TRIM26: variants seen among roughly 807,000 people sequenced by gnomAD.
The protein encoded by TRIM26 is tripartite motif-containing protein 26.
A neutral mutation model predicts 45.5 loss-of-function variants in TRIM26; 16 were observed. The observed-to-expected ratio is 0.35, with a 90% CI of 0.24 to 0.53. The LOEUF is 0.53. Ranked by LOEUF, TRIM26 falls within the 20% of genes least tolerant of loss-of-function variation. The pLI is 0.92. For missense variants in TRIM26, 442 were observed against 691.1 expected (o/e 0.64, Z 4.04); for synonymous variants, 273 against 290.4 (o/e 0.94, Z 0.61).
chr6:30,189,817 G>A lies in TRIM26; in HGVS notation c.788+196C>T. ...TGGGCCAAGGAGCTGGGGCTACACA[G>A]AGAACCATAAGGAGGAGAGCAAGTC... On this transcript the variant is annotated intron_variant, in intron 7 of 9. Transcript: ENST00000454678. The surrounding 1 kb of genome is among the most constrained non-coding windows in gnomAD (Gnocchi z 5.0). 1.5e-6 allele frequency: 1 copy of A among 655,156 alleles called. No homozygotes were observed. The highest frequency in any genetic ancestry group is 2.5e-6 in the Non-Finnish European group (1 of 392,312). The allele number at this position is 655,156 out of a possible 1,614,324, so 40.6% of individuals were successfully genotyped here.
chr6:30,200,091 T>G (rs1776990851), intron 3 of TRIM26, among the ~76,000 whole-genome samples: 1 of 152,054 alleles, frequency 6.6e-6, no homozygotes, highest in African/African-American at 2.4e-5. Context: ...AGCAACATAG[T>G]GAGACCCTGT....
At chr6:30,192,128 G>A (rs1271006600) in intron 6 of TRIM26, among the ~76,000 whole-genome samples, 1 of 152,210 alleles carries the variant, frequency 6.6e-6, no homozygotes. Flanking sequence ...CACATACAGG[G>A]CCTCTGGAGG....
chr6:30,196,774 C>G lies in TRIM26; in HGVS notation c.535-28G>C. On this transcript the variant is annotated intron_variant, in intron 5 of 9. Coordinates refer to ENST00000454678, the MANE Select transcript of TRIM26 (RefSeq NM_003449.5). The surrounding 1 kb of genome is among the most constrained non-coding windows in gnomAD (Gnocchi z 4.9). ...GCAGGGGGCAGGAAGGGGAGAAGGG[C>G]TGACACCTCTGCTCAGGGTGGAGGG... is the stretch of plus-strand genomic sequence containing the variant. 1 of 1,611,008 alleles carries G rather than the reference C, an allele frequency of 6.2e-7. No individual in the cohort carries two copies. Among genetic ancestry groups the G allele is most frequent in the Non-Finnish European group, 8.5e-7 (1 of 1,177,738 alleles).
chr6:30,193,306 C>T lies in TRIM26; in HGVS notation c.765+3210G>A, dbSNP rs192062847. Among the ~76,000 whole-genome samples the T allele has an allele frequency of 4.2e-3, 634 of 149,436 alleles. 1 individual carries two copies. The highest frequency in any genetic ancestry group is 0.011 in the African/African-American group (439 of 40,354). On this transcript the variant is annotated intron_variant, in intron 6 of 9. Coordinates refer to ENST00000454678, the MANE Select transcript of TRIM26 (RefSeq NM_003449.5). ...AAGTGATTCTCCTGCCTCAGCCTCC[C>T]GAGTAGCTGGGATTATAGGTGCGCA... is the stretch of plus-strand genomic sequence containing the variant.
intron 3 of TRIM26, among the ~76,000 whole-genome samples, chr6:30,199,646 T>C (rs1433073448): frequency 6.6e-6 from 1 of 151,326 alleles, no homozygotes; most frequent in African/African-American, 2.4e-5. Context: ...TTTTGGTTTT[T>C]TTTTTTTTGA....
At chr6:30,210,995 T>C (rs1272386154) in intron 1 of TRIM26, among the ~76,000 whole-genome samples, 1 of 152,218 alleles carries the variant, frequency 6.6e-6, no homozygotes, top group Non-Finnish European at 1.5e-5. Context: ...TTTTTATCTG[T>C]CTTCTCTCCC....
At position 30,198,319 on chromosome 6, in the gene TRIM26, C is replaced by T. The variant is rs539656799; in HGVS notation, c.534+110G>A. ...CTACTGCCAGGCTGACACCCATCCT[C>T]CCTGTGAGCAGCGCCTAGAAACACC... On this transcript the variant is annotated intron_variant, in intron 5 of 9. Transcript: ENST00000454678. The surrounding 1 kb of genome is among the most constrained non-coding windows in gnomAD (Gnocchi z 6.3). 63 of 1,175,996 alleles carry T rather than the reference C, an allele frequency of 5.4e-5. No individual in the cohort carries two copies. The East Asian group carries it at 1.4e-3, about 27-fold the overall frequency. The allele number at this position is 1,175,996 out of a possible 1,614,324, so 72.8% of individuals were successfully genotyped here.
chr6:30,185,805 C>A lies in TRIM26; in HGVS notation c.*71G>T. The stretch of plus-strand genomic sequence containing the variant: ...GTGCTTAGGCCAGGCATCCCGTCCC[C>A]CCATTGAGAGTCCTGGAATTCCAAA... On this transcript the variant is annotated 3_prime_UTR_variant, in exon 10 of 10. Transcript: ENST00000454678. The surrounding 1 kb of genome is among the most constrained non-coding windows in gnomAD (Gnocchi z 5.7). 6.6e-7 allele frequency: 1 copy of A among 1,525,438 alleles called. No individual in the cohort carries two copies. Among genetic ancestry groups the A allele is most frequent in the Non-Finnish European group, 8.9e-7 (1 of 1,129,130 alleles). 94.5% of individuals were successfully genotyped at this position (1,525,438 alleles called of 1,614,324 possible).
chr6:30,195,934 C>T (rs1346856691), intron 6 of TRIM26, among the ~76,000 whole-genome samples: 1 of 152,204 alleles, frequency 6.6e-6, no homozygotes, highest in East Asian at 1.9e-4. Flanking sequence ...CAGCCCCAAA[C>T]CCTCCCTTTC....
Position 30,190,175 on chromosome 6 carries a change from C to T in TRIM26, c.766-140G>A. ...TCCCTTTTTTATGGAGCTGACATTC[C>T]AGTGGGGTCACTGCATAAAACAACA... On this transcript the variant is annotated intron_variant, in intron 6 of 9. Coordinates refer to ENST00000454678, the MANE Select transcript of TRIM26 (RefSeq NM_003449.5). The surrounding 1 kb of genome is among the most constrained non-coding windows in gnomAD (Gnocchi z 4.3). The T allele has an allele frequency of 1.2e-6, 1 of 865,014 alleles. No homozygotes were observed. Among genetic ancestry groups the T allele is most frequent in the South Asian group, 1.5e-5 (1 of 65,992 alleles). 53.6% of individuals were successfully genotyped at this position (865,014 alleles called of 1,614,324 possible).
In TRIM26 at chr6:30,185,077, G is replaced by A. The variant is rs997657336; in HGVS notation, c.*799C>T. The stretch of plus-strand genomic sequence containing the variant: ...GATGTTTGTCTTGGTGTTTTTGGAT[G>A]TGCTGATCAAGAGCAAGATGTTCTG... On this transcript the variant is annotated 3_prime_UTR_variant, in exon 10 of 10. Coordinates refer to ENST00000454678, the MANE Select transcript of TRIM26 (RefSeq NM_003449.5). The surrounding 1 kb of genome is among the most constrained non-coding windows in gnomAD (Gnocchi z 5.7). The A allele has an allele frequency of 2.6e-5, 4 of 152,200 alleles. No homozygotes were observed. Among genetic ancestry groups the A allele is most frequent in the African/African-American group, 7.2e-5 (3 of 41,382 alleles). 9.4% of individuals were successfully genotyped at this position (152,200 alleles called of 1,614,324 possible).
Position 30,198,981 on chromosome 6 carries a change from T to G in TRIM26, c.123A>C (p.Thr41=). ...GGCTCCCTGAGATGGGGCGGACGTCTGTGGTGCAGCTGCGGCAGAAGACGT... is the reference window on the plus strand; with the variant it reads ...GGCTCCCTGAGATGGGGCGGACGTCGGTGGTGCAGCTGCGGCAGAAGACGT... ...CGHVFCRSCT[T]DVRPISGSRP... is the part of the protein sequence containing the mutation. Residue 41 remains threonine (T), a synonymous_variant, in exon 4 of 10, where the codon ACA becomes ACC. Coordinates refer to ENST00000454678, the MANE Select transcript of TRIM26 (RefSeq NM_003449.5). The surrounding 1 kb of genome is among the most constrained non-coding windows in gnomAD (Gnocchi z 6.3). 1.2e-6 allele frequency: 2 copies of G among 1,612,526 alleles called. No homozygotes were observed. The highest frequency in any genetic ancestry group is 1.7e-6 in the Non-Finnish European group (2 of 1,179,638).
intron 6 of TRIM26, among the ~76,000 whole-genome samples, chr6:30,191,878 G>A (rs1056431587): frequency 3.3e-5 from 5 of 152,242 alleles, no homozygotes; most frequent in Non-Finnish European, 7.3e-5. Flanking sequence ...TGACAAAGGT[G>A]GCATAAAAGA....
In TRIM26 at chr6:30,189,071, AGGGGCTACCT is replaced by A; in HGVS notation, c.937+86_937+95del. Reference sequence around the variant, plus strand: ...GCTGGGAAATTCTTCCTGTTGCAAAAGGGGCTACCTGGGGGAAAAGTGAGCAGTCAGAATC... The same window carrying A: ...GCTGGGAAATTCTTCCTGTTGCAAAAGGGGGAAAAGTGAGCAGTCAGAATC... On this transcript the variant is annotated intron_variant, in intron 9 of 9. Coordinates refer to ENST00000454678, the MANE Select transcript of TRIM26 (RefSeq NM_003449.5). This position sits in a 1 kb window ranked among gnomAD's most constrained non-coding sequence, Gnocchi z 5.0. 7.2e-7 allele frequency: 1 copy of A among 1,382,082 alleles called. No individual in the cohort carries two copies. The highest frequency in any genetic ancestry group is 9.9e-7 in the Non-Finnish European group (1 of 1,007,524). The allele number at this position is 1,382,082 out of a possible 1,614,324, so 85.6% of individuals were successfully genotyped here.
chr6:30,211,739 A>G (rs953245317), intron 1 of TRIM26, among the ~76,000 whole-genome samples: 2 of 152,254 alleles, frequency 1.3e-5, no homozygotes, highest in African/African-American at 4.8e-5. Context: ...CCCAACAGCC[A>G]AAGCCACAGT....
At chr6:30,205,678 A>C (rs1040655497) in intron 1 of TRIM26, among the ~76,000 whole-genome samples, 2 of 152,194 alleles carry the variant, frequency 1.3e-5, no homozygotes, top group African/African-American at 4.8e-5. Flanking sequence ...TCTCCAAAAA[A>C]AGAAATTAGC....
chr6:30,186,553 C>T lies in TRIM26; in HGVS notation c.943G>A (p.Val315Ile), dbSNP rs753730125. The T allele has an allele frequency of 2.0e-6, 3 of 1,509,260 alleles. No homozygotes were observed. The highest frequency in any genetic ancestry group is 2.7e-5 in the South Asian group (2 of 73,150). The allele number at this position is 1,509,260 out of a possible 1,614,324, so 93.5% of individuals were successfully genotyped here. A position where few individuals can be genotyped will look rare whatever the true frequency, so the allele number is the denominator to read the frequency against. The change falls in exon 10 of 10, where the codon GTC (valine) becomes ATC (isoleucine). Residue 315 changes from valine to isoleucine, a missense_variant. Transcript: ENST00000454678. This position sits in a 1 kb window ranked among gnomAD's most constrained non-coding sequence, Gnocchi z 7.4. ...CTGGCCGACTGTGGGTCCAGGGTGACGCTCACTGTGGGGACAAGGGAAAAA... is the reference window on the plus strand; with the variant it reads ...CTGGCCGACTGTGGGTCCAGGGTGATGCTCACTGTGGGGACAAGGGAAAAA... Reference protein sequence around the residue: ...LRDLEYKTVSVTLDPQSASGY... With the variant: ...LRDLEYKTVSITLDPQSASGY...
intron 1 of TRIM26, among the ~76,000 whole-genome samples, chr6:30,213,057 G>C (rs910576428): frequency 6.6e-6 from 1 of 152,218 alleles, no homozygotes; most frequent in Non-Finnish European, 1.5e-5. Flanking sequence ...GACTAGAATG[G>C]ATGGGAGTCT....
rs778310441 is a variant in TRIM26 at position 30,189,555 on chromosome 6, C to A, written c.789-22G>T. ...ATACCTAAGAAGATGACATACATAA[C>A]AAGCTGTTACTCAGCTCTTCTTACT... On this transcript the variant is annotated intron_variant, in intron 7 of 9. Coordinates refer to ENST00000454678, the MANE Select transcript of TRIM26 (RefSeq NM_003449.5). The surrounding 1 kb of genome is among the most constrained non-coding windows in gnomAD (Gnocchi z 5.0). The A allele has an allele frequency of 6.3e-7, 1 of 1,581,118 alleles. No individual in the cohort carries two copies. Among genetic ancestry groups the A allele is most frequent in the South Asian group, 1.1e-5 (1 of 90,450 alleles).
Sources: allele counts gnomAD v4.1 joint callset (sites outside exome capture counted in the v4.1 genomes callset), GRCh38; gene constraint gnomAD v4.1.1; non-coding constraint Gnocchi (gnomAD v3.1); transcripts MANE v1.5; gene names NCBI Gene and HGNC (gene_info 2026-07-23, HGNC 2026-07-21).